Variants in ADGRB3 observed in about 807,000 individuals in gnomAD.
The protein encoded by ADGRB3 is adhesion G protein-coupled receptor B3.
ADGRB3 carries 37 observed loss-of-function variants against 193.4 expected under a neutral mutation model. That is an observed-to-expected ratio of 0.19 (90% CI 0.15 to 0.25). The LOEUF (loss-of-function observed/expected upper bound fraction) is 0.25. ADGRB3 is among the 10% of genes least tolerant of loss of function. The pLI is 1.00. For missense variants in ADGRB3, 1,637 were observed against 1,852.9 expected, an observed-to-expected ratio of 0.88 and a Z score of 2.14; for synonymous variants, 690 against 644.2, an observed-to-expected ratio of 1.07 and a Z score of -1.08.
chr6:69,129,330 T>A (rs1274828255), intron 17 of ADGRB3, among the ~76,000 whole-genome samples: 1 of 151,814 alleles, frequency 6.6e-6, no homozygotes, highest in Non-Finnish European at 1.5e-5. Flanking sequence ...AAATTGCAGA[T>A]GATGCACATG....
At chr6:68,721,541 G>A (rs1017754305) in intron 3 of ADGRB3, among the ~76,000 whole-genome samples, 1 of 150,654 alleles carries the variant, frequency 6.6e-6, no homozygotes, top group African/African-American at 2.4e-5. Flanking sequence ...CGAGTTAATG[G>A]GTGCAGCACA....
At chr6:68,969,227 A>G (rs1194450603) in intron 8 of ADGRB3, among the ~76,000 whole-genome samples, 3 of 152,276 alleles carry the variant, frequency 2.0e-5, no homozygotes, top group Middle Eastern at 3.4e-3. Context: ...TAATATTCAT[A>G]TATTCAATAA....
intron 17 of ADGRB3, among the ~76,000 whole-genome samples, chr6:69,126,489 G>A (rs1375227699): frequency 6.6e-6 from 1 of 152,132 alleles, no homozygotes; most frequent in Admixed American, 6.5e-5. Flanking sequence ...TGCAAGTCCT[G>A]GAGTTAAAAA....
intron 20 of ADGRB3, among the ~76,000 whole-genome samples, chr6:69,289,894 G>GCACACA (rs1561978143): frequency 2.0e-5 from 3 of 151,908 alleles, no homozygotes; most frequent in African/African-American, 7.3e-5. Context: ...TCAGTGTGTG[G>GCACACA]CACAGCCATT....
In ADGRB3 at chr6:69,035,147, A is replaced by G. The variant is rs1770830534; in HGVS notation, c.2108-13038A>G. On this transcript the variant is annotated intron_variant, in intron 13 of 31. Coordinates refer to ENST00000370598, the MANE Select transcript of ADGRB3 (RefSeq NM_001704.3). Reference sequence around the variant, plus strand: ...TTTTGCTTCTTTATGATCCAAAATTAGTCTATAAAATATAATTAATTGTGC... The same window carrying G: ...TTTTGCTTCTTTATGATCCAAAATTGGTCTATAAAATATAATTAATTGTGC... Among the ~76,000 whole-genome samples the G allele has an allele frequency of 3.3e-5, 5 of 152,212 alleles. No homozygotes were observed. In the South Asian group the frequency reaches 1.0e-3, roughly 32 times the overall value.
At chr6:68,690,981 C>G (rs997267202) in intron 3 of ADGRB3, among the ~76,000 whole-genome samples, 24 of 151,952 alleles carry the variant, frequency 1.6e-4, no homozygotes, top group Non-Finnish European at 3.1e-4. Flanking sequence ...TATTTTTTTT[C>G]TGACAACTGA....
chr6:69,052,060 T>C (rs187177148), intron 15 of ADGRB3, among the ~76,000 whole-genome samples: 3 of 152,236 alleles, frequency 2.0e-5, no homozygotes, highest in African/African-American at 7.2e-5. Flanking sequence ...CGGGCTAATT[T>C]TGTATTTTTA....
rs542210417 is a variant in ADGRB3 at position 69,385,934 on chromosome 6, C to T, written c.4381-2769C>T. 1.8e-4 allele frequency among the ~76,000 whole-genome samples: 28 copies of T among 152,144 alleles called. 1 individual carries two copies. The South Asian group carries it at 5.8e-3, about 31-fold the overall frequency. On this transcript the variant is annotated intron_variant, in intron 31 of 31. Transcript: ENST00000370598. ...CCACACACTGACAACAAAGTCTCTC[C>T]CTACTCCCTGCAGATCTTGTTCCCA...
chr6:69,366,325 C>T (rs1225659924), intron 29 of ADGRB3, among the ~76,000 whole-genome samples: 1 of 152,018 alleles, frequency 6.6e-6, no homozygotes, highest in Non-Finnish European at 1.5e-5. Context: ...GGATTTGCTA[C>T]CAGAACTTTC....
chr6:68,730,607 C>T (rs1473220092), intron 3 of ADGRB3, among the ~76,000 whole-genome samples: 1 of 151,526 alleles, frequency 6.6e-6, no homozygotes, highest in Non-Finnish European at 1.5e-5. Context: ...TTCATTTTCC[C>T]CATGTTACTT....
rs117597467 is a variant in ADGRB3 at position 68,761,598 on chromosome 6, C to T, written c.757+122166C>T. 8.5e-4 allele frequency among the ~76,000 whole-genome samples: 128 copies of T among 151,372 alleles called. 8 individuals carry two copies. Among genetic ancestry groups the T allele is most frequent in the African/African-American group, 2.1e-3 (86 of 41,000 alleles). On this transcript the variant is annotated intron_variant, in intron 3 of 31. Coordinates refer to ENST00000370598, the MANE Select transcript of ADGRB3 (RefSeq NM_001704.3). The stretch of plus-strand genomic sequence containing the variant: ...GCTGCTACGTTCCAAAATATGCAGG[C>T]GCCAGACATGTATTTTCTCTTTTAT...
At chr6:69,364,105 C>T (rs1025827474) in intron 29 of ADGRB3, among the ~76,000 whole-genome samples, 16 of 151,954 alleles carry the variant, frequency 1.1e-4, no homozygotes, top group Admixed American at 9.2e-4. Flanking sequence ...GCCTGGGCAG[C>T]TGGCACAGCA....
intron 17 of ADGRB3, among the ~76,000 whole-genome samples, chr6:69,211,993 TTTG>T (rs1369629586): frequency 6.6e-6 from 1 of 152,216 alleles, no homozygotes; most frequent in Non-Finnish European, 1.5e-5. Flanking sequence ...AAGTTTATAC[TTTG>T]TTATTTGATT....
chr6:69,031,612 T>C (rs1451992223), intron 13 of ADGRB3, among the ~76,000 whole-genome samples: 1 of 128,962 alleles, frequency 7.8e-6, no homozygotes, highest in Non-Finnish European at 1.7e-5. Flanking sequence ...TTTCCTTTCT[T>C]TCCTTTTTTT....
intron 17 of ADGRB3, among the ~76,000 whole-genome samples, chr6:69,115,411 CAAG>C (rs953131702): frequency 6.6e-6 from 1 of 151,128 alleles, no homozygotes; most frequent in African/African-American, 2.4e-5. Flanking sequence ...CACATGGACA[CAAG>C]GAGGGGAACA....
At chr6:69,136,346 TC>T (rs1774148771) in intron 17 of ADGRB3, among the ~76,000 whole-genome samples, 1 of 152,178 alleles carries the variant, frequency 6.6e-6, no homozygotes, top group African/African-American at 2.4e-5. Flanking sequence ...GATGATAACC[TC>T]AAAAAAATGA....
At chr6:69,017,217 C>A (rs922021794) in intron 12 of ADGRB3, among the ~76,000 whole-genome samples, 4 of 151,902 alleles carry the variant, frequency 2.6e-5, no homozygotes, top group African/African-American at 9.7e-5. Flanking sequence ...CAACCGCAAG[C>A]CCCTTTGAAA....
rs1035142754 is a variant in ADGRB3, at chr6:68,666,530, C to T, written c.757+27098C>T. 5.3e-5 allele frequency among the ~76,000 whole-genome samples: 8 copies of T among 151,720 alleles called. No homozygotes were observed. The East Asian group carries it at 9.7e-4, about 18-fold the overall frequency. ...AATGCTTTCTTCTGTTCTGTTGACA[C>T]GCAAGTTAGTCATAGGTCCCAGAGA... On this transcript the variant is annotated intron_variant, in intron 3 of 31. Transcript: ENST00000370598.
At chr6:68,671,038 T>G (rs1768943629) in intron 3 of ADGRB3, among the ~76,000 whole-genome samples, 1 of 152,016 alleles carries the variant, frequency 6.6e-6, no homozygotes, top group Non-Finnish European at 1.5e-5. Context: ...TGGGATTACT[T>G]TTTAAATTTA....
Sources: allele counts gnomAD v4.1 joint callset (sites outside exome capture counted in the v4.1 genomes callset), GRCh38; gene constraint gnomAD v4.1.1; transcripts MANE v1.5; gene names NCBI Gene and HGNC (gene_info 2026-07-23, HGNC 2026-07-21).